Variants in URB1 observed in about 807,000 individuals in gnomAD.
URB1 encodes the protein URB1 ribosome biogenesis factor.
In URB1, 197 loss-of-function variants were observed where a neutral mutation model predicts 242.3. The ratio of observed to expected loss-of-function variants is 0.81; its 90% CI spans 0.72 to 0.91. URB1 has a LOEUF of 0.91. URB1 is among the 40% of genes least tolerant of loss of function. The pLI is 0.00. For missense variants in URB1, 2,721 were observed against 2,860.5 expected (o/e 0.95, Z 1.11); for synonymous variants, 1,153 against 1,201.8 (o/e 0.96, Z 0.84).
At chr21:32,346,233 A>C (rs764868136) in intron 22 of URB1, among the ~76,000 whole-genome samples, 13 of 152,128 alleles carry the variant, frequency 8.5e-5, no homozygotes, top group Admixed American at 3.3e-4. Flanking sequence ...CCCTCACAAG[A>C]AGCAGACGCT....
chr21:32,354,445 G>A (rs1440519828), intron 17 of URB1, among the ~76,000 whole-genome samples: 1 of 152,196 alleles, frequency 6.6e-6, no homozygotes, highest in Non-Finnish European at 1.5e-5. Flanking sequence ...ACAGGCCAGA[G>A]CCAGAGTACC....
At chr21:32,351,277 G>A (rs2033154655) in intron 19 of URB1, among the ~76,000 whole-genome samples, 1 of 152,302 alleles carries the variant, frequency 6.6e-6, no homozygotes, top group South Asian at 2.1e-4. Flanking sequence ...TCAGCCCACA[G>A]AGAAGCCCGC....
rs2033146976 is a variant in URB1 at position 32,350,724 on chromosome 21, T to C, written c.2812A>G (p.Thr938Ala). The C allele has an allele frequency of 1.3e-6, 2 of 1,551,428 alleles. No homozygotes were observed. The highest frequency in any genetic ancestry group is 1.7e-6 in the Non-Finnish European group (2 of 1,146,976). ...CTGACCTGGCCGAAGTTCTCCACAG[T>C]GCTCCGCAGGTAGAGCAACACCTGC... Reference protein sequence around the residue: ...AKQVLLYLRSTVENFGQLGRS... With the variant: ...AKQVLLYLRSAVENFGQLGRS... The change falls in exon 20 of 39, where the codon ACT becomes GCT. Residue 938 changes from threonine (T) to alanine (A), a missense_variant. Transcript: ENST00000382751.
At chr21:32,379,283 A>G (rs927300347) in intron 4 of URB1, among the ~76,000 whole-genome samples, 7 of 152,250 alleles carry the variant, frequency 4.6e-5, no homozygotes, top group Admixed American at 4.6e-4. Context: ...AACTCAAGGC[A>G]TGTGGTCATG....
At chr21:32,337,251 G>A (rs2032970384) in intron 27 of URB1, 94 bp from the exon 28 acceptor site, 3 of 1,407,932 alleles carry the variant, frequency 2.1e-6, no homozygotes, top group African/African-American at 1.4e-5. Context: ...CTGCTCAAAT[G>A]GCCCGGTCCT....
In URB1 at chr21:32,319,344, C is replaced by T; in HGVS notation, c.5665G>A (p.Asp1889Asn). ...TGGCTCTCCCACTCCACTGCCTTGT[C>T]CCCCAGGTTGGTCACCCACAGTGTG... Reference protein sequence around the residue: ...LHTLWVTNLGDKAVEWESQRL... With the variant: ...LHTLWVTNLGNKAVEWESQRL... Residue 1889 changes from aspartate to asparagine, a missense_variant, in exon 36 of 39, where the codon GAC becomes AAC. Physicochemically the swap from Asp to Asn is conservative, Grantham distance 23. Coordinates refer to ENST00000382751, the MANE Select transcript of URB1 (RefSeq NM_014825.3). 10 of 1,551,174 alleles carry T rather than the reference C, an allele frequency of 6.4e-6. No homozygotes were observed. Among genetic ancestry groups the T allele is most frequent in the Non-Finnish European group, 7.8e-6 (9 of 1,146,764 alleles).
chr21:32,364,028 G>A (rs1200628689), intron 10 of URB1, among the ~76,000 whole-genome samples: 1 of 151,262 alleles, frequency 6.6e-6, no homozygotes, highest in Non-Finnish European at 1.5e-5. Flanking sequence ...AAAAGCATTA[G>A]CATCAGGTGG....
intron 38 of URB1, 145 bp downstream of exon 38, chr21:32,316,321 A>T: frequency 7.7e-7 from 1 of 1,301,226 alleles, no homozygotes; most frequent in Non-Finnish European, 1.0e-6. Context: ...CAACCCCAGA[A>T]CCGTAAGGGG....
chr21:32,342,437 T>C (rs1462901667), intron 24 of URB1, among the ~76,000 whole-genome samples: 1 of 152,000 alleles, frequency 6.6e-6, no homozygotes, highest in Non-Finnish European at 1.5e-5. Flanking sequence ...CCTGGACCCA[T>C]CAGCTGAGGT....
rs1463114979 is a variant in URB1, at chr21:32,375,456, C to T, written c.692G>A (p.Gly231Glu). Reference sequence around the variant, plus strand: ...GGTAGAGATCCTATCTTCCTTTATCCCTGAGCTAAAAATGCAAGGAATAAA... The same window carrying T: ...GGTAGAGATCCTATCTTCCTTTATCTCTGAGCTAAAAATGCAAGGAATAAA... ...KEFIPCIFSS[G>E]IKEDRISTIN... Residue 231 changes from glycine to glutamate, a missense_variant, in exon 6 of 39, where the codon GGG (glycine) becomes GAG (glutamate). Coordinates refer to ENST00000382751, the MANE Select transcript of URB1 (RefSeq NM_014825.3). 1 of 1,532,370 alleles carries T rather than the reference C, an allele frequency of 6.5e-7. No homozygotes were observed. Among genetic ancestry groups the T allele is most frequent in the Admixed American group, 2.1e-5 (1 of 47,500 alleles). The allele number at this position is 1,532,370 out of a possible 1,614,324, so 94.9% of individuals were successfully genotyped here. A position where few individuals can be genotyped will look rare whatever the true frequency, so the allele number is the denominator to read the frequency against.
chr21:32,329,879 T>C (rs1167894416), intron 30 of URB1, among the ~76,000 whole-genome samples: 1 of 152,208 alleles, frequency 6.6e-6, no homozygotes, highest in Non-Finnish European at 1.5e-5. Flanking sequence ...TAGATGCAGC[T>C]TGGCAGCAAA....
chr21:32,347,565 G>T lies in URB1; in HGVS notation c.3259C>A (p.Leu1087Ile). ...GCCGGGCCCGCCCTCCTGTTCTGAA[G>T]TTCCTTCAGCACACTCTGGGTGATG... The part of the protein sequence containing the change: ...EAITQSVLKE[L>I]QNRRAGPATS... The change falls in exon 22 of 39, where the codon CTT becomes ATT. Residue 1087 changes from leucine (L) to isoleucine (I), a missense_variant. By Grantham distance (5) the Leu-to-Ile change is conservative. Coordinates refer to ENST00000382751, the MANE Select transcript of URB1 (RefSeq NM_014825.3). 6.4e-7 allele frequency: 1 copy of T among 1,551,412 alleles called. No homozygotes were observed. The highest frequency in any genetic ancestry group is 1.4e-5 in the African/African-American group (1 of 73,176).
At chr21:32,390,681 C>A (rs2033627964) in intron 1 of URB1, among the ~76,000 whole-genome samples, 1 of 152,132 alleles carries the variant, frequency 6.6e-6, no homozygotes, top group South Asian at 2.1e-4. Context: ...CATCTCACAC[C>A]AATTAGAATG....
chr21:32,332,562 CAA>C (rs145546852), intron 30 of URB1, among the ~76,000 whole-genome samples: 2 of 1,974 alleles, frequency 1.0e-3, no homozygotes, highest in East Asian at 8.9e-3. Flanking sequence ...GTTAAAAAAA[CAA>C]AAGACAAAAA....
chr21:32,362,901 A>C (rs1425233176), intron 11 of URB1, among the ~76,000 whole-genome samples: 4 of 152,194 alleles, frequency 2.6e-5, no homozygotes, highest in African/African-American at 7.2e-5. Flanking sequence ...CCCCTGTGAG[A>C]GAACACATGT....
Position 32,349,472 on chromosome 21 carries a change from A to G in URB1, c.2844T>C (p.Ser948=). ...TVENFGQLGR[S]VGPPLLQLFL... ...AGAGCTGCAGGAGGGGCGGGCCCAC[A>G]CTTCTGCCCAGCTGTGAGGACAAGA... Residue 948 remains serine, a synonymous_variant, in exon 21 of 39, where the codon AGT becomes AGC. Transcript: ENST00000382751. The G allele has an allele frequency of 6.5e-7, 1 of 1,548,166 alleles. No individual in the cohort carries two copies. The highest frequency in any genetic ancestry group is 8.7e-7 in the Non-Finnish European group (1 of 1,145,910).
rs1601147142 is a variant in URB1, at chr21:32,363,475, C to T, written c.1336-146G>A. On this transcript the variant is annotated intron_variant, in intron 10 of 38. Coordinates refer to ENST00000382751, the MANE Select transcript of URB1 (RefSeq NM_014825.3). ...CTGGTCTCTACGCTCTGAGAAGAGG[C>T]GACCTGGGTACCTCGCCCTCCTGAC... The T allele has an allele frequency of 1.4e-5, 14 of 975,926 alleles. No homozygotes were observed. In the East Asian group the frequency reaches 1.9e-4, roughly 13 times the overall value. 60.5% of individuals were successfully genotyped at this position (975,926 alleles called of 1,614,324 possible).
intron 17 of URB1, 120 bp from the exon 18 acceptor site, chr21:32,354,223 G>C (rs760048203): frequency 7.7e-5 from 88 of 1,136,974 alleles, no homozygotes; most frequent in African/African-American, 1.3e-4. Flanking sequence ...ATTCCTCTTG[G>C]GGGGAGCATT....
intron 21 of URB1, among the ~76,000 whole-genome samples, chr21:32,348,833 T>A (rs2033123854): frequency 6.6e-6 from 1 of 152,270 alleles, no homozygotes; most frequent in African/African-American, 2.4e-5. Context: ...AAGGAACGTG[T>A]CTGCCTCCTG....
Sources: gnomAD v4.1 joint callset for allele counts (sites outside exome capture counted in the v4.1 genomes callset) on GRCh38, gnomAD v4.1.1 for gene constraint, MANE v1.5 for transcripts, NCBI Gene and HGNC (gene_info 2026-07-23, HGNC 2026-07-21) for gene names.